The following SCD5 variants were observed in gnomAD, a reference collection of about 807,000 sequenced individuals.
The protein encoded by SCD5 is acyl-CoA-desaturase 4.
A neutral mutation model predicts 30.4 loss-of-function variants in SCD5; 20 were observed. The observed-to-expected ratio is 0.66, with a 90% CI of 0.46 to 0.96. The LOEUF is 0.96. Among genes scored for constraint, SCD5 ranks in the 40% least tolerant of loss-of-function variants. The pLI, the probability that SCD5 is intolerant of heterozygous loss-of-function variation, is 0.00. For synonymous variants in SCD5, 173 were observed against 176.4 expected, an observed-to-expected ratio of 0.98 and a Z score of 0.16; for missense variants, 381 against 443.3, an observed-to-expected ratio of 0.86 and a Z score of 1.26.
intron 3 of SCD5, among the ~76,000 whole-genome samples, chr4:82,680,026 T>C (rs936289242): frequency 3.9e-5 from 6 of 152,194 alleles, no homozygotes; most frequent in Non-Finnish European, 7.3e-5. Flanking sequence ...AGCCAAATTT[T>C]GCAGACCCAG....
intron 1 of SCD5, among the ~76,000 whole-genome samples, chr4:82,737,226 T>C (rs1261322775): frequency 6.6e-6 from 1 of 152,202 alleles, no homozygotes; most frequent in Admixed American, 6.5e-5. Flanking sequence ...CATGGTTTTG[T>C]GTTTTAACTT....
intron 1 of SCD5, among the ~76,000 whole-genome samples, chr4:82,706,268 A>G (rs1253278410): frequency 6.6e-6 from 1 of 152,182 alleles, no homozygotes; most frequent in Non-Finnish European, 1.5e-5. Context: ...ATGTGATTCT[A>G]TTCTGCCAGT....
intron 3 of SCD5, among the ~76,000 whole-genome samples, chr4:82,641,927 G>C (rs1727555022): frequency 6.6e-6 from 1 of 152,122 alleles, no homozygotes; most frequent in African/African-American, 2.4e-5. Context: ...TGGAGGAGGA[G>C]TGGCATATGA....
At chr4:82,715,688 G>C (rs1048134966) in intron 1 of SCD5, among the ~76,000 whole-genome samples, 1 of 151,670 alleles carries the variant, frequency 6.6e-6, no homozygotes, top group African/African-American at 2.4e-5. Flanking sequence ...CCTTGGTGTG[G>C]GAAATGAGGT....
chr4:82,745,324 C>T (rs1257701133), intron 1 of SCD5, among the ~76,000 whole-genome samples: 3 of 152,194 alleles, frequency 2.0e-5, no homozygotes, highest in South Asian at 2.1e-4. Flanking sequence ...CAAAAGTCCA[C>T]GTAACCAATA....
chr4:82,680,920 G>C lies in SCD5; in HGVS notation c.364-8C>G, dbSNP rs780529780. The C allele has an allele frequency of 1.2e-5, 19 of 1,608,522 alleles. No individual in the cohort carries two copies. Among genetic ancestry groups the C allele is most frequent in the Middle Eastern group, 1.7e-4 (1 of 5,824 alleles). On this transcript the variant is annotated splice_polypyrimidine_tract_variant and splice_region_variant and intron_variant, in intron 2 of 4. Coordinates refer to ENST00000319540, the MANE Select transcript of SCD5 (RefSeq NM_001037582.3). Reference sequence around the variant, plus strand: ...CCACTCGAAGATGTCATTCTGCAGAGAGAATGAGAGCCTGAGTGAAGAGAG... The same window carrying C: ...CCACTCGAAGATGTCATTCTGCAGACAGAATGAGAGCCTGAGTGAAGAGAG...
At chr4:82,720,612 A>G (rs1351661495) in intron 1 of SCD5, among the ~76,000 whole-genome samples, 1 of 152,106 alleles carries the variant, frequency 6.6e-6, no homozygotes, top group African/African-American at 2.4e-5. Context: ...CCCTTCTGCA[A>G]TCCCCAATTG....
chr4:82,691,150 C>T lies in SCD5; in HGVS notation c.364-10238G>A, dbSNP rs911973561. 3.3e-5 allele frequency among the ~76,000 whole-genome samples: 5 copies of T among 152,248 alleles called. No individual in the cohort carries two copies. In the East Asian group the frequency reaches 5.8e-4, roughly 18 times the overall value. ...AAGTGATTTTCCTGCCTCAGCCTCCCGAGTAGCTGGGATTACAGGCACTCA... is the reference window on the plus strand; with the variant it reads ...AAGTGATTTTCCTGCCTCAGCCTCCTGAGTAGCTGGGATTACAGGCACTCA... On this transcript the variant is annotated intron_variant, in intron 2 of 4. Transcript: ENST00000319540.
chr4:82,672,592 G>A (rs909934828), intron 3 of SCD5, among the ~76,000 whole-genome samples: 1 of 151,888 alleles, frequency 6.6e-6, no homozygotes, highest in Non-Finnish European at 1.5e-5. Context: ...GTTCTATTTT[G>A]GTGAATTCGA....
At chr4:82,683,890 C>T (rs1728634732) in intron 2 of SCD5, among the ~76,000 whole-genome samples, 1 of 152,214 alleles carries the variant, frequency 6.6e-6, no homozygotes, top group Non-Finnish European at 1.5e-5. Flanking sequence ...CCCTCCCCAG[C>T]CACGCAGAAC....
intron 4 of SCD5, among the ~76,000 whole-genome samples, chr4:82,632,504 C>T (rs974778572): frequency 6.6e-6 from 1 of 152,080 alleles, no homozygotes; most frequent in Admixed American, 6.5e-5. Flanking sequence ...CATACGTGTG[C>T]ATGTGTCTTT....
chr4:82,673,642 T>C (rs1351588856), intron 3 of SCD5, among the ~76,000 whole-genome samples: 1 of 152,188 alleles, frequency 6.6e-6, no homozygotes, highest in East Asian at 1.9e-4. Flanking sequence ...TTTGTAGATA[T>C]TGACAAACTG....
chr4:82,665,602 T>C (rs1728168897), intron 3 of SCD5, among the ~76,000 whole-genome samples: 1 of 151,942 alleles, frequency 6.6e-6, no homozygotes, highest in African/African-American at 2.4e-5. Flanking sequence ...CTGGTAAAAA[T>C]ACCTTTAAAA....
intron 1 of SCD5, among the ~76,000 whole-genome samples, chr4:82,733,159 A>G (rs1720678775): frequency 6.6e-6 from 1 of 152,220 alleles, no homozygotes; most frequent in African/African-American, 2.4e-5. Context: ...GGGCGTACTC[A>G]CAGAGTAAAT....
chr4:82,715,694 G>T (rs1720212354), intron 1 of SCD5, among the ~76,000 whole-genome samples: 1 of 151,650 alleles, frequency 6.6e-6, no homozygotes, highest in South Asian at 2.1e-4. Flanking sequence ...TGTGGGAAAT[G>T]AGGTCTCGTG....
At chr4:82,679,243 A>G (rs1728507720) in intron 3 of SCD5, among the ~76,000 whole-genome samples, 1 of 108,560 alleles carries the variant, frequency 9.2e-6, no homozygotes, top group African/African-American at 3.4e-5. Flanking sequence ...AAAGAAAGAA[A>G]GAAAGAAAGA....
Position 82,705,191 on chromosome 4 carries a change from AGG to A in SCD5, c.363+90_363+91del, listed in dbSNP as rs981440667. The A allele has an allele frequency of 8.7e-6, 13 of 1,495,046 alleles. No individual in the cohort carries two copies. The African/African-American group carries it at 1.8e-4, about 21-fold the overall frequency. The allele number at this position is 1,495,046 out of a possible 1,614,324, so 92.6% of individuals were successfully genotyped here. On this transcript the variant is annotated intron_variant, in intron 2 of 4. Coordinates refer to ENST00000319540, the MANE Select transcript of SCD5 (RefSeq NM_001037582.3). Reference sequence around the variant, plus strand: ...GGGGCCTGAACACTGAGTCTAGGACAGGGGTGGAGGGGTGTCAGCCCATCTTT... The same window carrying A: ...GGGGCCTGAACACTGAGTCTAGGACAGGTGGAGGGGTGTCAGCCCATCTTT...
At chr4:82,705,701 A>C (rs972147464) in intron 1 of SCD5, among the ~76,000 whole-genome samples, 2 of 152,234 alleles carry the variant, frequency 1.3e-5, no homozygotes, top group Admixed American at 6.5e-5. Flanking sequence ...ATGCAAAGTC[A>C]CAACCATGTC....
chr4:82,676,924 A>G (rs2148820324), intron 3 of SCD5, among the ~76,000 whole-genome samples: 1 of 152,336 alleles, frequency 6.6e-6, no homozygotes, highest in Middle Eastern at 3.4e-3. Flanking sequence ...TCGTAAGATT[A>G]TCTTTTAGGG....
Sources: allele counts gnomAD v4.1 joint callset (sites outside exome capture counted in the v4.1 genomes callset), GRCh38; gene constraint gnomAD v4.1.1; transcripts MANE v1.5; gene names NCBI Gene and HGNC (gene_info 2026-07-23, HGNC 2026-07-21).